Variants in RBFOX1 observed in about 807,000 individuals in gnomAD.
The protein encoded by RBFOX1 is RNA binding fox-1 homolog 1.
Under a neutral mutation model 57.7 loss-of-function variants are expected in RBFOX1, and 8 were observed. That is an observed-to-expected ratio of 0.14 (90% CI 0.08 to 0.25). The LOEUF is 0.25. RBFOX1 is among the 10% of genes least tolerant of loss of function. RBFOX1 has a pLI of 1.00. For synonymous variants in RBFOX1, 326 were observed against 222.4 expected (o/e 1.47, Z -4.15); for missense variants, 611 against 548.5 (o/e 1.11, Z -1.14).
chr16:6,314,103 C>A (rs1454459636), intron 1 of RBFOX1, among the ~76,000 whole-genome samples: 8 of 152,072 alleles, frequency 5.3e-5, no homozygotes, highest in Non-Finnish European at 1.0e-4. Context: ...AATGTTATTA[C>A]CTGGGTACCA....
At chr16:5,484,611 G>A (rs1164971588) in intron 2 of RBFOX1, among the ~76,000 whole-genome samples, 1 of 152,104 alleles carries the variant, frequency 6.6e-6, no homozygotes, top group Non-Finnish European at 1.5e-5. Flanking sequence ...GACCTTGTCT[G>A]TACAAAAAAT....
chr16:6,036,894 A>G (rs2095372281), intron 1 of RBFOX1, among the ~76,000 whole-genome samples: 1 of 152,238 alleles, frequency 6.6e-6, no homozygotes, highest in Non-Finnish European at 1.5e-5. Context: ...CTTTTTCAGA[A>G]CAATAACTTT....
rs571031840 is a variant in RBFOX1 at position 6,614,974 on chromosome 16, A to C, written c.-63-39629A>C. Among the ~76,000 whole-genome samples the C allele has an allele frequency of 8.5e-5, 13 of 152,298 alleles. No homozygotes were observed. The South Asian group carries it at 2.7e-3, about 32-fold the overall frequency. On this transcript the variant is annotated intron_variant, in intron 2 of 15. Transcript: ENST00000550418. ...TTAAAAATATAGATGACTGCATCCC[A>C]ATTACCAGTCGAATTGTTTTGGGCA...
At chr16:7,274,615 G>C (rs1444387505) in intron 4 of RBFOX1, among the ~76,000 whole-genome samples, 1 of 151,668 alleles carries the variant, frequency 6.6e-6, no homozygotes, top group African/African-American at 2.4e-5. Context: ...TTGAAGGGTT[G>C]GATGAGGTCA....
chr16:5,827,761 C>A (rs138770798), intron 3 of RBFOX1, among the ~76,000 whole-genome samples: 281 of 152,258 alleles, frequency 1.8e-3, no homozygotes, highest in Non-Finnish European at 3.0e-3. Flanking sequence ...GGATGCACGC[C>A]ACTGTGTCTC....
chr16:7,306,150 T>G (rs1398566825), intron 4 of RBFOX1, among the ~76,000 whole-genome samples: 4 of 152,220 alleles, frequency 2.6e-5, no homozygotes. Flanking sequence ...TCTCCGTTCC[T>G]TTGTGTGGTG....
chr16:6,377,657 C>T (rs1395543772), intron 2 of RBFOX1, among the ~76,000 whole-genome samples: 1 of 152,218 alleles, frequency 6.6e-6, no homozygotes, highest in Admixed American at 6.5e-5. Flanking sequence ...AAAGACTCCT[C>T]AAGATTGCTT....
chr16:6,933,373 A>G (rs1232609548), intron 3 of RBFOX1, among the ~76,000 whole-genome samples: 1 of 152,218 alleles, frequency 6.6e-6, no homozygotes, highest in African/African-American at 2.4e-5. Flanking sequence ...CAAGGGTTCC[A>G]ATCTGTCCAC....
chr16:7,265,951 C>T (rs1417018194), intron 4 of RBFOX1, among the ~76,000 whole-genome samples: 4 of 134,306 alleles, frequency 3.0e-5, no homozygotes, highest in Admixed American at 7.9e-5. Flanking sequence ...GTTATGAGAT[C>T]TGGTGGGTTT....
chr16:7,103,329 A>G (rs1197917650), intron 4 of RBFOX1, among the ~76,000 whole-genome samples: 1 of 152,178 alleles, frequency 6.6e-6, no homozygotes, highest in Non-Finnish European at 1.5e-5. Flanking sequence ...TCATTGTAGA[A>G]TTGCCTATTA....
chr16:5,242,560 T>G (rs1247866241), intron 1 of RBFOX1, among the ~76,000 whole-genome samples: 2 of 152,156 alleles, frequency 1.3e-5, no homozygotes, highest in Non-Finnish European at 2.9e-5. Context: ...AGCGATTTCT[T>G]TGAGGAGGAG....
chr16:6,529,035 A>G (rs577022616), intron 2 of RBFOX1, among the ~76,000 whole-genome samples: 1 of 152,330 alleles, frequency 6.6e-6, no homozygotes, highest in South Asian at 2.1e-4. Flanking sequence ...ATTTTACTCA[A>G]TACCTAATTA....
At chr16:6,670,202 C>T (rs868642197) in intron 3 of RBFOX1, among the ~76,000 whole-genome samples, 1 of 152,008 alleles carries the variant, frequency 6.6e-6, no homozygotes, top group Non-Finnish European at 1.5e-5. Flanking sequence ...TAGCTGGAAC[C>T]ACAGGAGTGC....
intron 5 of RBFOX1, among the ~76,000 whole-genome samples, chr16:7,560,931 A>T (rs1459300326): frequency 6.6e-6 from 1 of 152,200 alleles, no homozygotes; most frequent in Non-Finnish European, 1.5e-5. Context: ...GTCTGGCCGA[A>T]TTATGTATCC....
intron 4 of RBFOX1, among the ~76,000 whole-genome samples, chr16:7,302,742 CT>C (rs765547396): frequency 0.014 from 1,269 of 88,014 alleles, 16 homozygotes; most frequent in African/African-American, 0.039. Flanking sequence ...CAAGAATGTG[CT>C]TTTTTTTTTT....
At chr16:5,761,065 A>G (rs2053574558) in intron 3 of RBFOX1, among the ~76,000 whole-genome samples, 1 of 152,160 alleles carries the variant, frequency 6.6e-6, no homozygotes, top group Admixed American at 6.5e-5. Flanking sequence ...TGGGGCAGGA[A>G]GGATCCAGTT....
At chr16:7,590,246 G>A (rs930735439) in intron 7 of RBFOX1, among the ~76,000 whole-genome samples, 1 of 151,646 alleles carries the variant, frequency 6.6e-6, no homozygotes, top group Non-Finnish European at 1.5e-5. Flanking sequence ...CAGCTTGGGT[G>A]ACAGAGTGAG....
At chr16:5,692,832 A>G (rs1021290450) in intron 3 of RBFOX1, among the ~76,000 whole-genome samples, 1 of 152,212 alleles carries the variant, frequency 6.6e-6, no homozygotes, top group Non-Finnish European at 1.5e-5. Flanking sequence ...AAGCCGAGTA[A>G]GAAAGAAGTG....
chr16:7,162,927 C>T (rs572275238), intron 4 of RBFOX1, among the ~76,000 whole-genome samples: 30 of 152,154 alleles, frequency 2.0e-4, no homozygotes, highest in Middle Eastern at 3.2e-3. Context: ...TGTGGGTTTT[C>T]TTCCCGTTTT....
Sources: allele counts gnomAD v4.1 joint callset (sites outside exome capture counted in the v4.1 genomes callset), GRCh38; gene constraint gnomAD v4.1.1; transcripts MANE v1.5; gene names NCBI Gene and HGNC (gene_info 2026-07-23, HGNC 2026-07-21).